MMD2: variants seen among roughly 807,000 people sequenced by gnomAD.
MMD2 encodes the protein monocyte to macrophage differentiation associated 2.
A neutral mutation model predicts 33.5 loss-of-function variants in MMD2; 30 were observed. The ratio of observed to expected loss-of-function variants is 0.90; its 90% CI spans 0.67 to 1.22. The LOEUF (loss-of-function observed/expected upper bound fraction) is 1.22, where lower values mean the gene tolerates loss of function less well. Ranked by LOEUF, MMD2 falls within the 50% of genes most tolerant of loss-of-function variation. MMD2 has a pLI of 0.00. For synonymous variants in MMD2, 129 were observed against 123.0 expected (o/e 1.05, Z -0.32); for missense variants, 364 against 325.4 (o/e 1.12, Z -0.91).
the MMD2 span, among the ~76,000 whole-genome samples, chr7:4,896,856 T>G: frequency 1.3e-5 from 2 of 151,862 alleles, no homozygotes. Flanking sequence ...TTCTCTATTC[T>G]TTTCTTTTCT....
Position 4,916,014 on chromosome 7 carries a change from T to A in MMD2, c.356A>T (p.Tyr119Phe). 5.0e-6 allele frequency: 8 copies of A among 1,613,784 alleles called. No homozygotes were observed. Among genetic ancestry groups the A allele is most frequent in the Non-Finnish European group, 6.8e-6 (8 of 1,179,830 alleles). Residue 119 changes from tyrosine (Y) to phenylalanine (F), a missense_variant, in exon 4 of 7, where the codon TAC becomes TTC. Coordinates refer to ENST00000401401, the MANE Select transcript of MMD2 (RefSeq NM_198403.4). ...MVIYFFIAAS[Y>F]APWLNLRELG... is the part of the protein sequence containing the mutation. ...GCGGGACGGTACTCACCAGGGTGCG[T>A]AGGAAGCCGCTATGAAGAAATAGAT... is the stretch of plus-strand genomic sequence containing the variant.
the MMD2 span, among the ~76,000 whole-genome samples, chr7:4,899,620 G>A: frequency 2.0e-5 from 3 of 152,074 alleles, no homozygotes; most frequent in Non-Finnish European, 2.9e-5. Flanking sequence ...GGTCTCGAAC[G>A]CCTGACCTCA....
the MMD2 span, among the ~76,000 whole-genome samples, chr7:4,897,210 T>C: frequency 2.1e-5 from 3 of 143,796 alleles, no homozygotes; most frequent in Admixed American, 2.1e-4. Context: ...ATAAAAAGAA[T>C]TGGCAGGTGT....
At chr7:4,919,404 A>G (rs1353852025) in intron 3 of MMD2, among the ~76,000 whole-genome samples, 2 of 152,042 alleles carry the variant, frequency 1.3e-5, no homozygotes, top group Non-Finnish European at 2.9e-5. Context: ...CCCCATCTCT[A>G]CAAAAAGATA....
chr7:4,952,499 C>A (rs958306848), intron 1 of MMD2, among the ~76,000 whole-genome samples: 1 of 152,186 alleles, frequency 6.6e-6, no homozygotes, highest in Non-Finnish European at 1.5e-5. Context: ...ACTGCCCGAA[C>A]CTCCGCCCAA....
At position 4,906,342 on chromosome 7, in the gene MMD2, C is replaced by G; in HGVS notation, c.*1054G>C. ...CTGAGCACTTCAGAGGTTGGGAGGA[C>G]CTGGAACAGTCGCCCCAGATCCATG... On this transcript the variant is annotated 3_prime_UTR_variant, in exon 7 of 7. Coordinates refer to ENST00000401401, the MANE Select transcript of MMD2 (RefSeq NM_198403.4). 1 of 395,706 alleles carries G rather than the reference C, an allele frequency of 2.5e-6. No homozygotes were observed. The highest frequency in any genetic ancestry group is 4.5e-6 in the Non-Finnish European group (1 of 224,714). 24.5% of individuals were successfully genotyped at this position (395,706 alleles called of 1,614,324 possible).
chr7:4,951,771 T>C (rs1161498533), intron 1 of MMD2, among the ~76,000 whole-genome samples: 2 of 152,020 alleles, frequency 1.3e-5, no homozygotes, highest in Non-Finnish European at 2.9e-5. Context: ...GGCTAATTTT[T>C]AAATTTTTTG....
At chr7:4,926,593 G>A (rs1224586722) in intron 1 of MMD2, among the ~76,000 whole-genome samples, 3 of 152,042 alleles carry the variant, frequency 2.0e-5, no homozygotes, top group East Asian at 3.9e-4. Context: ...ACCCTCTGCC[G>A]TTGTCTTCTT....
rs1785890199 is a variant in MMD2 at position 4,940,922 on chromosome 7, C to G, written c.48-15390G>C. ...CCAGCTCCCAGCCTTGGCGCCCACC[C>G]TGTGGCTCCCCGGGAAATCTCTTCC... On this transcript the variant is annotated intron_variant, in intron 1 of 6. Transcript: ENST00000401401. This position sits in a 1 kb window ranked among gnomAD's most constrained non-coding sequence, Gnocchi z 5.0. 6.6e-6 allele frequency among the ~76,000 whole-genome samples: 1 copy of G among 152,158 alleles called. No homozygotes were observed. Among genetic ancestry groups the G allele is most frequent in the African/African-American group, 2.4e-5 (1 of 41,450 alleles).
At chr7:4,914,371 T>C (rs1361599081) in intron 4 of MMD2, among the ~76,000 whole-genome samples, 1 of 152,252 alleles carries the variant, frequency 6.6e-6, no homozygotes, top group African/African-American at 2.4e-5. Flanking sequence ...GCAAATAATT[T>C]ACTTTTTCAG....
intron 1 of MMD2, among the ~76,000 whole-genome samples, chr7:4,948,321 G>A (rs541702960): frequency 2.0e-5 from 3 of 152,318 alleles, no homozygotes; most frequent in East Asian, 3.9e-4. Flanking sequence ...GAGGCCAGGA[G>A]TTAGAGACCA....
rs185190372 is a variant in MMD2, at chr7:4,946,300, G to A, written c.47+12671C>T. On this transcript the variant is annotated intron_variant, in intron 1 of 6. Coordinates refer to ENST00000401401, the MANE Select transcript of MMD2 (RefSeq NM_198403.4). The surrounding 1 kb of genome is among the most constrained non-coding windows in gnomAD (Gnocchi z 5.0). Reference sequence around the variant, plus strand: ...TTCACAGAGTCGAAACACCATCCCCGCATCCTAAGAATAGCCATGCTCCAA... The same window carrying A: ...TTCACAGAGTCGAAACACCATCCCCACATCCTAAGAATAGCCATGCTCCAA... Among the ~76,000 whole-genome samples, 5 of 152,176 alleles carry A rather than the reference G, an allele frequency of 3.3e-5. No individual in the cohort carries two copies. The East Asian group carries it at 9.7e-4, about 29-fold the overall frequency.
intron 1 of MMD2, among the ~76,000 whole-genome samples, chr7:4,930,312 T>C (rs948089946): frequency 7.8e-6 from 1 of 128,088 alleles, no homozygotes; most frequent in Non-Finnish European, 1.6e-5. Flanking sequence ...TGCAGTAGGG[T>C]GGGCCCCCAT....
intron 4 of MMD2, among the ~76,000 whole-genome samples, chr7:4,912,238 G>A (rs915617276): frequency 6.6e-6 from 1 of 152,100 alleles, no homozygotes; most frequent in Admixed American, 6.6e-5. Context: ...AGAAGAATAA[G>A]ATGACAATAT....
At chr7:4,934,850 G>A (rs1257017414) in intron 1 of MMD2, among the ~76,000 whole-genome samples, 3 of 152,288 alleles carry the variant, frequency 2.0e-5, no homozygotes, top group Admixed American at 6.5e-5. Context: ...TTCCAAGTAT[G>A]TAAACGGGAA....
chr7:4,925,314 CAG>C (rs58035576), intron 2 of MMD2, 135 bp downstream of exon 2: 96,358 of 573,448 alleles, frequency 0.17, 8,841 homozygotes, highest in East Asian at 0.29. Context: ...CGAGACGCCA[CAG>C]TGGCCTTCCC....
chr7:4,946,174 TGCACACAC>T lies in MMD2; in HGVS notation c.47+12789_47+12796del, dbSNP rs920774062. ...ACACCCGCGCGCACACCTGCACACA[TGCACACAC>T]ACGCGCGCACACCCACACACACGCA... On this transcript the variant is annotated intron_variant, in intron 1 of 6. Transcript: ENST00000401401. The surrounding 1 kb of genome is among the most constrained non-coding windows in gnomAD (Gnocchi z 5.0). Among the ~76,000 whole-genome samples, 10 of 138,886 alleles carry T rather than the reference TGCACACAC, an allele frequency of 7.2e-5. No homozygotes were observed. The highest frequency in any genetic ancestry group is 2.7e-4 in the African/African-American group (10 of 36,460). The allele number at this position is 138,886 out of a possible 152,430, so 91.1% of individuals were successfully genotyped here.
At chr7:4,913,916 C>T (rs1291947847) in intron 4 of MMD2, among the ~76,000 whole-genome samples, 2 of 151,988 alleles carry the variant, frequency 1.3e-5, no homozygotes, top group Non-Finnish European at 2.9e-5. Flanking sequence ...CCACCACAGC[C>T]TCCCAAAGTG....
At chr7:4,902,085 G>A (rs191994574), downstream of MMD2, among the ~76,000 whole-genome samples, 12 of 152,186 alleles carry the variant, frequency 7.9e-5, no homozygotes, top group African/African-American at 2.9e-4. Flanking sequence ...TGAATAGCTG[G>A]GATTACAGGC....
Sources: gnomAD v4.1 joint callset for allele counts (sites outside exome capture counted in the v4.1 genomes callset) on GRCh38, gnomAD v4.1.1 for gene constraint, Gnocchi (gnomAD v3.1) non-coding constraint, MANE v1.5 for transcripts, NCBI Gene and HGNC (gene_info 2026-07-23, HGNC 2026-07-21) for gene names.